The following HELB variants were observed in gnomAD, a reference collection of about 807,000 sequenced individuals.
HELB encodes DNA 5'-3' helicase B.
Under a neutral mutation model 101.7 loss-of-function variants are expected in HELB, and 96 were observed. That is an observed-to-expected ratio of 0.94 (90% CI 0.80 to 1.12). HELB has a LOEUF of 1.12. HELB is among the 50% of genes most tolerant of loss of function. The pLI, the probability that HELB is intolerant of heterozygous loss-of-function variation, is 0.00. For missense variants in HELB, 1,210 were observed against 1,291.9 expected (o/e 0.94, Z 0.97); for synonymous variants, 437 against 459.7 (o/e 0.95, Z 0.63).
intron 6 of HELB, among the ~76,000 whole-genome samples, chr12:66,317,721 G>A (rs576508930): frequency 2.0e-5 from 3 of 152,132 alleles, no homozygotes; most frequent in East Asian, 1.9e-4. Context: ...CCAGGGAAAC[G>A]GTCCTGGAGA....
At chr12:66,315,574 ATAAGT>A (rs2053595341) in intron 6 of HELB, among the ~76,000 whole-genome samples, 191 bp downstream of exon 6, 1 of 152,210 alleles carries the variant, frequency 6.6e-6, no homozygotes, top group African/African-American at 2.4e-5. Context: ...CTGGTCCAGT[ATAAGT>A]TATTATTGAA....
rs11176136 is a variant in HELB at position 66,306,324 on chromosome 12, T to C, written c.608-21T>C. On this transcript the variant is annotated intron_variant, in intron 2 of 12. Coordinates refer to ENST00000247815, the MANE Select transcript of HELB (RefSeq NM_001370285.1). ...TTGGGTTCATTTATGTTTTACTTTGTTCCTTTCTGATATCTTGTAGTTCCA... is the reference window on the plus strand; with the variant it reads ...TTGGGTTCATTTATGTTTTACTTTGCTCCTTTCTGATATCTTGTAGTTCCA... 3.0e-3 allele frequency: 4,667 copies of C among 1,534,362 alleles called. 98 individuals carry two copies. In the East Asian group the frequency reaches 0.063, roughly 21 times the overall value.
chr12:66,331,456 C>A lies in HELB; in HGVS notation c.2973C>A (p.Asp991Glu). 6.2e-7 allele frequency: 1 copy of A among 1,614,194 alleles called. No homozygotes were observed. The highest frequency in any genetic ancestry group is 8.5e-7 in the Non-Finnish European group (1 of 1,180,034). The change falls in exon 12 of 13, where the codon GAC becomes GAA. Residue 991 changes from aspartate (D) to glutamate (E), a missense_variant. Transcript: ENST00000247815. Reference sequence around the variant, plus strand: ...CATCTCCACTCCCTGTAGTCACAGACCACGCCATGACAAATGATGTCACCT... The same window carrying A: ...CATCTCCACTCCCTGTAGTCACAGAACACGCCATGACAAATGATGTCACCT... ...PSASPLPVVTDHAMTNDVTWS... is the reference protein window; with the variant it reads ...PSASPLPVVTEHAMTNDVTWS...
chr12:66,341,924 C>T (rs1367622716), downstream of HELB: 1 of 152,166 alleles, frequency 6.6e-6, no homozygotes, highest in Non-Finnish European at 1.5e-5. Flanking sequence ...GTCAATTAAA[C>T]CTCTTTTCTT....
chr12:66,303,107 TAAA>T (rs34264841), intron 1 of HELB, among the ~76,000 whole-genome samples: 1 of 127,570 alleles, frequency 7.8e-6, no homozygotes, highest in African/African-American at 2.9e-5. Flanking sequence ...TTTTTTTTTT[TAAA>T]ATTATTCTCA....
At chr12:66,326,724 ATT>A (rs11303554) in intron 11 of HELB, among the ~76,000 whole-genome samples, 28 of 147,166 alleles carry the variant, frequency 1.9e-4, no homozygotes, top group African/African-American at 4.2e-4. Context: ...AATTCAGCTG[ATT>A]TTTTTTTTTT....
chr12:66,303,845 C>T (rs889575154), intron 1 of HELB, among the ~76,000 whole-genome samples: 1 of 152,066 alleles, frequency 6.6e-6, no homozygotes. Context: ...ATGTGCCGAC[C>T]GGTGCTGTTC....
chr12:66,309,704 A>C lies in HELB; in HGVS notation c.778-2A>C, dbSNP rs1347890501. 3.8e-6 allele frequency: 6 copies of C among 1,568,208 alleles called. No individual in the cohort carries two copies. ...AACCAACCTGAACTTTATTTCTTAA[A>C]GATAACCTACAGAGAGTGGAAACTC... On this transcript the variant is annotated splice_acceptor_variant, in intron 3 of 12. Transcript: ENST00000247815. LOFTEE classifies it high-confidence loss of function.
rs376315655 is a variant in HELB at position 66,314,034 on chromosome 12, A to C, written c.1729A>C (p.Lys577Gln). 17 of 1,613,986 alleles carry C rather than the reference A, an allele frequency of 1.1e-5. No individual in the cohort carries two copies. In the African/African-American group the frequency reaches 1.9e-4, roughly 18 times the overall value. Reference protein sequence around the residue: ...SWTQTMMTTNKPWKFSSVRVL... With the variant: ...SWTQTMMTTNQPWKFSSVRVL... ...GACTCAAACAATGATGACCACAAAC[A>C]AACCATGGAAATTTTCTTCGGTTAG... Residue 577 changes from lysine to glutamine, a missense_variant, in exon 5 of 13, where the codon AAA (lysine) becomes CAA (glutamine). Physicochemically the swap from Lys to Gln is moderately conservative, Grantham distance 53. Around this residue, in one of 2 missense-constraint regions of HELB, gnomAD observed 740 missense variants for 728.8 expected, o/e 1.02. Coordinates refer to ENST00000247815, the MANE Select transcript of HELB (RefSeq NM_001370285.1).
Position 66,304,726 on chromosome 12 carries a change from T to A in HELB, c.188-5T>A. ...TTTTGTGGGTTTTTGTTTGTTTTTT[T>A]TTAGTTTCTATTTGTGATGAAAACA... On this transcript the variant is annotated splice_polypyrimidine_tract_variant and splice_region_variant and intron_variant, in intron 1 of 12. Transcript: ENST00000247815. The A allele has an allele frequency of 6.4e-7, 1 of 1,570,622 alleles. No homozygotes were observed.
Position 66,310,233 on chromosome 12 carries a change from A to C in HELB, c.1305A>C (p.Glu435Asp), listed in dbSNP as rs1565636725. The change falls in exon 4 of 13, where the codon GAA becomes GAC. Residue 435 changes from glutamate (E) to aspartate (D), a missense_variant. Glu to Asp is a conservative substitution (Grantham distance 45). This residue lies in a region of HELB where 470 missense variants were observed against 563.1 expected (regional missense o/e 0.83). Transcript: ENST00000247815. ...ATATTTGGACTAATGGTGAAAATGA[A>C]ATTAATGCAGAAATAAGTGAAGTTC... ...GDHIWTNGEN[E>D]INAEISEVQL... is the part of the protein sequence containing the mutation. 6.2e-7 allele frequency: 1 copy of C among 1,614,138 alleles called. No individual in the cohort carries two copies. Among genetic ancestry groups the C allele is most frequent in the Admixed American group, 1.7e-5 (1 of 60,026 alleles).
At chr12:66,324,901 C>T in intron 10 of HELB, 82 bp from the exon 11 acceptor site, 1 of 1,525,382 alleles carries the variant, frequency 6.6e-7, no homozygotes, top group Non-Finnish European at 9.1e-7. Flanking sequence ...TATGTTTGAC[C>T]CAAAGATAGA....
In HELB at chr12:66,324,002, G is replaced by A. The variant is rs1177225563; in HGVS notation, c.2317G>A (p.Val773Ile). The change falls in exon 10 of 13, where the codon GTT becomes ATT. Residue 773 changes from valine (V) to isoleucine (I), a missense_variant. This residue lies in a region of HELB where 740 missense variants were observed against 728.8 expected (regional missense o/e 1.02). Coordinates refer to ENST00000247815, the MANE Select transcript of HELB (RefSeq NM_001370285.1). ...HLTKDHQSRLVFGIGDKICCT... is the reference protein window; with the variant it reads ...HLTKDHQSRLIFGIGDKICCT... ...TCCCAGAGACCATCAGAGTAGACTT[G>A]TTTTTGGAATTGGTGATAAAATTTG... The A allele has an allele frequency of 6.2e-7, 1 of 1,610,778 alleles. No homozygotes were observed. Among genetic ancestry groups the A allele is most frequent in the Non-Finnish European group, 8.5e-7 (1 of 1,177,438 alleles).
At chr12:66,307,790 G>T (rs1254155917) in intron 3 of HELB, among the ~76,000 whole-genome samples, 4 of 149,946 alleles carry the variant, frequency 2.7e-5, no homozygotes, top group Non-Finnish European at 4.4e-5. Context: ...GGAGTGCAAT[G>T]GTGTGAGCTC....
At chr12:66,338,384 G>C, downstream of HELB, 1 of 233,186 alleles carries the variant, frequency 4.3e-6, no homozygotes, top group Non-Finnish European at 8.2e-6. Flanking sequence ...GCTCATGCCT[G>C]TAATCCCAGC....
chr12:66,327,152 T>C (rs1026230657), intron 11 of HELB, among the ~76,000 whole-genome samples: 22 of 149,548 alleles, frequency 1.5e-4, no homozygotes, highest in Non-Finnish European at 2.7e-4. Context: ...GTGGTTGGAA[T>C]GCAGCCATGC....
intron 12 of HELB, among the ~76,000 whole-genome samples, chr12:66,336,249 GGCA>G (rs1458363824): frequency 1.3e-5 from 2 of 152,076 alleles, no homozygotes; most frequent in Non-Finnish European, 2.9e-5. Context: ...TTGCTTTTGA[GGCA>G]GTAAAAGATC....
intron 11 of HELB, among the ~76,000 whole-genome samples, chr12:66,328,224 G>A (rs1397944470): frequency 6.6e-6 from 1 of 152,176 alleles, no homozygotes; most frequent in Non-Finnish European, 1.5e-5. Context: ...ATTGAGCGCT[G>A]GAAATGTGGC....
chr12:66,334,260 A>C (rs1334709810), intron 12 of HELB, among the ~76,000 whole-genome samples: 1 of 152,064 alleles, frequency 6.6e-6, no homozygotes, highest in East Asian at 1.9e-4. Flanking sequence ...CAGGAGTTTG[A>C]GACTAACCTG....
Sources: allele counts gnomAD v4.1 joint callset (sites outside exome capture counted in the v4.1 genomes callset), GRCh38; gene constraint gnomAD v4.1.1; regional missense constraint gnomAD v4.1.1; transcripts MANE v1.5; gene names NCBI Gene and HGNC (gene_info 2026-07-23, HGNC 2026-07-21).